Variants in ZCWPW1 observed in about 807,000 individuals in gnomAD.
ZCWPW1 encodes the protein zinc finger CW-type PWWP domain protein 1.
Under a neutral mutation model 81.3 loss-of-function variants are expected in ZCWPW1, and 56 were observed. That is an observed-to-expected ratio of 0.69 (90% CI 0.56 to 0.86). The LOEUF is 0.86. Ranked by LOEUF, ZCWPW1 falls within the 40% of genes least tolerant of loss-of-function variation. The pLI, the probability that ZCWPW1 is intolerant of heterozygous loss-of-function variation, is 0.00. For missense variants in ZCWPW1, 650 were observed against 769.8 expected (o/e 0.84, Z 1.84); for synonymous variants, 250 against 273.7 (o/e 0.91, Z 0.86).
intron 6 of ZCWPW1, 122 bp from the exon 7 acceptor site, chr7:100,416,578 C>A: frequency 1.0e-6 from 1 of 952,932 alleles, no homozygotes; most frequent in Non-Finnish European, 1.5e-6. Context: ...CCTCCTGAGG[C>A]CATTTCATCC....
In ZCWPW1 at chr7:100,406,743, A is replaced by G. The variant is rs1563132277; in HGVS notation, c.1124T>C (p.Val375Ala). The G allele has an allele frequency of 6.2e-7, 1 of 1,614,162 alleles. No individual in the cohort carries two copies. The highest frequency in any genetic ancestry group is 1.1e-5 in the South Asian group (1 of 91,078). The stretch of plus-strand genomic sequence containing the variant: ...CTCCTGGAAGTTCTTTAGCATGTTG[A>G]CTGGGATCCATGCACGAGAAACTGT... ...GETVSRAWIP[V>A]NMLKNFQELS... is the part of the protein sequence containing the mutation. The change falls in exon 12 of 18, where the codon GTC (valine) becomes GCC (alanine). Residue 375 changes from valine (V) to alanine (A), a missense_variant. Physicochemically the swap from Val to Ala is moderately conservative, Grantham distance 64. Transcript: ENST00000684423.
intron 1 of ZCWPW1, among the ~76,000 whole-genome samples, chr7:100,427,565 G>A (rs1337961268): frequency 2.0e-5 from 3 of 151,904 alleles, no homozygotes; most frequent in East Asian, 3.9e-4. Context: ...CGGGCACAGT[G>A]GCGGGCGCCT....
intron 1 of ZCWPW1, among the ~76,000 whole-genome samples, chr7:100,427,629 G>A (rs921463785): frequency 5.3e-5 from 8 of 151,672 alleles, no homozygotes; most frequent in Admixed American, 1.3e-4. Context: ...AACCCAGGAG[G>A]TGGGGGTTGC....
At chr7:100,418,656 T>G (rs1795791767) in intron 5 of ZCWPW1, 2 of 152,148 alleles carry the variant, frequency 1.3e-5, no homozygotes, top group Non-Finnish European at 2.9e-5. Context: ...CCAGGCGTGG[T>G]GGTGGGCGCC....
Position 100,401,210 on chromosome 7 carries a change from G to A in ZCWPW1, c.1754C>T (p.Ser585Phe), listed in dbSNP as rs764661363. 6.2e-6 allele frequency: 10 copies of A among 1,614,122 alleles called. No individual in the cohort carries two copies. In the South Asian group the frequency reaches 1.1e-4, roughly 18 times the overall value. ...LSACKGACPS[S>F]AKEEPRHREP... Reference sequence around the variant, plus strand: ...CCGGTGTCTGGGCTCTTCTTTCGCAGATGAGGGGCAGGCCCCCTTACACGC... The same window carrying A: ...CCGGTGTCTGGGCTCTTCTTTCGCAAATGAGGGGCAGGCCCCCTTACACGC... Residue 585 changes from serine to phenylalanine, a missense_variant, in exon 18 of 18, where the codon TCT becomes TTT. Transcript: ENST00000684423.
At chr7:100,403,658 T>C (rs1277215303) in intron 15 of ZCWPW1, 36 bp downstream of exon 15, 4 of 1,551,516 alleles carry the variant, frequency 2.6e-6, no homozygotes, top group Admixed American at 3.8e-5. Context: ...ACTCCATCTC[T>C]ATAAAAATAA....
intron 10 of ZCWPW1, among the ~76,000 whole-genome samples, chr7:100,407,883 G>A (rs1793385869): frequency 6.6e-6 from 1 of 152,104 alleles, no homozygotes; most frequent in Admixed American, 6.6e-5. Context: ...TCTTCGACTA[G>A]AGACATCTCC....
At position 100,424,003 on chromosome 7, in the gene ZCWPW1, G is replaced by C. The variant is rs1796833583; in HGVS notation, c.-30+1027C>G. ...GAGAATCGCTTGCACCCAGGAGGCG[G>C]AGGTTGCAGTGAGCCAAGATCGCGC... On this transcript the variant is annotated intron_variant, in intron 2 of 17. Transcript: ENST00000684423. 2.0e-5 allele frequency among the ~76,000 whole-genome samples: 3 copies of C among 150,826 alleles called. No homozygotes were observed. The South Asian group carries it at 6.3e-4, about 32-fold the overall frequency.
At chr7:100,402,212 CT>C (rs916229074) in intron 16 of ZCWPW1, among the ~76,000 whole-genome samples, 171 bp from the exon 17 acceptor site, 1 of 152,148 alleles carries the variant, frequency 6.6e-6, no homozygotes, top group Admixed American at 6.5e-5. Flanking sequence ...CCCCAATTCT[CT>C]TTTTTTCTTT....
intron 6 of ZCWPW1, among the ~76,000 whole-genome samples, chr7:100,416,720 G>A (rs1795290247): frequency 6.6e-6 from 1 of 152,146 alleles, no homozygotes; most frequent in African/African-American, 2.4e-5. Context: ...GGCCAAGGCG[G>A]GTGGATCACA....
intron 8 of ZCWPW1, among the ~76,000 whole-genome samples, chr7:100,414,303 G>A (rs891764257): frequency 3.3e-5 from 5 of 152,138 alleles, no homozygotes; most frequent in Non-Finnish European, 2.9e-5. Flanking sequence ...TAGACACTAC[G>A]TAACTTTTTA....
chr7:100,427,474 C>A (rs1013423376), intron 1 of ZCWPW1, among the ~76,000 whole-genome samples: 1 of 150,702 alleles, frequency 6.6e-6, no homozygotes, highest in Admixed American at 6.6e-5. Context: ...CCAAGGTGGG[C>A]GGATCACCTA....
At chr7:100,405,635 G>C (rs1451781236) in intron 12 of ZCWPW1, among the ~76,000 whole-genome samples, 1 of 151,718 alleles carries the variant, frequency 6.6e-6, no homozygotes, top group East Asian at 1.9e-4. Flanking sequence ...TCCTAACTAG[G>C]TATATGTATA....
chr7:100,404,210 A>G lies in ZCWPW1; in HGVS notation c.1289T>C (p.Phe430Ser). Residue 430 changes from phenylalanine (F) to serine (S), a missense_variant, in exon 14 of 18, where the codon TTC becomes TCC. Physicochemically the swap from Phe to Ser is radical, Grantham distance 155. Transcript: ENST00000684423. ...TTCCCCATTACTGTTAGATCCGTTG[A>G]ATCGGCTCCAGAAACCAAACAAGTT... ...RVNLFGFWSR[F>S]NGSNSNGERK... 1 of 1,614,164 alleles carries G rather than the reference A, an allele frequency of 6.2e-7. No individual in the cohort carries two copies.
intron 1 of ZCWPW1, among the ~76,000 whole-genome samples, chr7:100,427,622 C>A (rs1797900639): frequency 6.6e-6 from 1 of 151,690 alleles, no homozygotes; most frequent in Non-Finnish European, 1.5e-5. Context: ...TCGCTTGAAC[C>A]CAGGAGGTGG....
In ZCWPW1 at chr7:100,403,739, T is replaced by C. The variant is rs370575258; in HGVS notation, c.1368A>G (p.Lys456=). 1.3e-5 allele frequency: 21 copies of C among 1,614,008 alleles called. No individual in the cohort carries two copies. In the African/African-American group the frequency reaches 2.7e-4, roughly 21 times the overall value. ...GLNSPGSCLE[K]KEKEEELEKE... ...TTTCCAACTCTTCCTCTTTCTCCTT[T>C]TTCTCTAAGCAGGATCCTGGGCTGT... is the stretch of plus-strand genomic sequence containing the variant. The change falls in exon 15 of 18, where the codon AAA becomes AAG. Residue 456 remains lysine (K), a synonymous_variant. Coordinates refer to ENST00000684423, the MANE Select transcript of ZCWPW1 (RefSeq NM_001386010.1).
chr7:100,424,393 T>C (rs1796933805), intron 2 of ZCWPW1, among the ~76,000 whole-genome samples: 1 of 152,196 alleles, frequency 6.6e-6, no homozygotes, highest in East Asian at 1.9e-4. Context: ...AGGAAGCTTT[T>C]GGTGGACTCC....
rs193056118 is a variant in ZCWPW1, at chr7:100,401,377, A to T, written c.1628-41T>A. 1,122 of 1,485,256 alleles carry T rather than the reference A, an allele frequency of 7.6e-4. 9 individuals are homozygous for T. The highest frequency in any genetic ancestry group is 6.3e-5 in the Non-Finnish European group (70 of 1,111,798). 92.0% of individuals were successfully genotyped at this position (1,485,256 alleles called of 1,614,324 possible). On this transcript the variant is annotated intron_variant, in intron 17 of 17. Coordinates refer to ENST00000684423, the MANE Select transcript of ZCWPW1 (RefSeq NM_001386010.1). Reference sequence around the variant, plus strand: ...ACAAAGCCAAGAGTCCTATTAGGTCAGCCTGTCCTTACCTTTTATAAGTCA... The same window carrying T: ...ACAAAGCCAAGAGTCCTATTAGGTCTGCCTGTCCTTACCTTTTATAAGTCA...
chr7:100,409,583 A>G, intron 8 of ZCWPW1, 39 bp from the exon 9 acceptor site: 4 of 1,447,532 alleles, frequency 2.8e-6, no homozygotes, highest in Non-Finnish European at 3.9e-6. Flanking sequence ...ACTTAAAAAT[A>G]TGCTCTTCCT....
Sources: gnomAD v4.1 joint callset for allele counts (sites outside exome capture counted in the v4.1 genomes callset) on GRCh38, gnomAD v4.1.1 for gene constraint, MANE v1.5 for transcripts, NCBI Gene and HGNC (gene_info 2026-07-23, HGNC 2026-07-21) for gene names.